Variants in IQGAP2 observed in about 807,000 individuals in gnomAD.
The protein encoded by IQGAP2 is ras GTPase-activating-like protein IQGAP2.
Under a neutral mutation model 201.3 loss-of-function variants are expected in IQGAP2, and 173 were observed. That is an observed-to-expected ratio of 0.86 (90% CI 0.76 to 0.98). IQGAP2 has a LOEUF of 0.98. Among genes scored for constraint, IQGAP2 ranks in the 50% least tolerant of loss-of-function variants. The pLI, the probability that IQGAP2 is intolerant of heterozygous loss-of-function variation, is 0.00. For synonymous variants in IQGAP2, 675 were observed against 673.9 expected (o/e 1.00, Z -0.03); for missense variants, 1,687 against 1,864.8 (o/e 0.90, Z 1.76).
At chr5:76,560,798 C>A (rs1248672891) in intron 2 of IQGAP2, among the ~76,000 whole-genome samples, 3 of 152,270 alleles carry the variant, frequency 2.0e-5, no homozygotes, top group East Asian at 3.9e-4. Context: ...ATCATATATA[C>A]TATTCCCCTC....
At chr5:76,643,424 A>G (rs540613587) in intron 17 of IQGAP2, among the ~76,000 whole-genome samples, 1 of 152,330 alleles carries the variant, frequency 6.6e-6, no homozygotes, top group South Asian at 2.1e-4. Flanking sequence ...TATAATGCCC[A>G]TTTTATTGCA....
intron 2 of IQGAP2, among the ~76,000 whole-genome samples, chr5:76,516,545 G>A (rs1758336865): frequency 6.6e-6 from 1 of 152,074 alleles, no homozygotes; most frequent in Non-Finnish European, 1.5e-5. Context: ...CAGGATAATA[G>A]AAACATTAAT....
At chr5:76,478,244 TACAAAAA>T (rs1755565734) in intron 2 of IQGAP2, among the ~76,000 whole-genome samples, 1 of 151,930 alleles carries the variant, frequency 6.6e-6, no homozygotes, top group Admixed American at 6.6e-5. Context: ...CTACTAAAAA[TACAAAAA>T]TTAGCCAGGC....
At chr5:76,563,578 A>G (rs567350922) in intron 3 of IQGAP2, among the ~76,000 whole-genome samples, 2 of 152,310 alleles carry the variant, frequency 1.3e-5, no homozygotes, top group African/African-American at 2.4e-5. Context: ...GCAAACGCCA[A>G]CCTAAAAGGC....
intron 21 of IQGAP2, among the ~76,000 whole-genome samples, chr5:76,661,858 A>G (rs2150455929): frequency 6.6e-6 from 1 of 152,320 alleles, no homozygotes; most frequent in Middle Eastern, 3.4e-3. Flanking sequence ...AAAAACGTTT[A>G]TATCATAGCA....
intron 28 of IQGAP2, among the ~76,000 whole-genome samples, chr5:76,682,595 A>C (rs1745399100): frequency 6.6e-6 from 1 of 152,160 alleles, no homozygotes; most frequent in Non-Finnish European, 1.5e-5. Flanking sequence ...GGGCCTTCTT[A>C]GGATAAGGAA....
rs781432692 is a variant in IQGAP2 at position 76,597,601 on chromosome 5, T to C, written c.1070T>C (p.Met357Thr). 1.2e-6 allele frequency: 2 copies of C among 1,613,612 alleles called. No individual in the cohort carries two copies. The highest frequency in any genetic ancestry group is 1.7e-6 in the Non-Finnish European group (2 of 1,179,906). ...ELFNLQKQNTMNYLAHEELLI... is the reference protein window; with the variant it reads ...ELFNLQKQNTTNYLAHEELLI... The stretch of plus-strand genomic sequence containing the variant: ...TTCAACCTCCAGAAACAGAACACCA[T>C]GGTAAGTCAGAGGAGACCCCAGCTG... Residue 357 changes from methionine to threonine, a missense_variant and splice_region_variant, in exon 10 of 36, where the codon ATG becomes ACG. Met to Thr is a moderately conservative substitution (Grantham distance 81). Transcript: ENST00000274364.
chr5:76,403,628 T>A lies in IQGAP2; in HGVS notation c.46+37T>A. Reference sequence around the variant, plus strand: ...GGGCGCGCGGGGTTCCTGCTGGCCTTGGGGAGCTCCCTCCCCGAGGACGGC... The same window carrying A: ...GGGCGCGCGGGGTTCCTGCTGGCCTAGGGGAGCTCCCTCCCCGAGGACGGC... On this transcript the variant is annotated intron_variant, in intron 1 of 35. Transcript: ENST00000274364. The surrounding 1 kb of genome is among the most constrained non-coding windows in gnomAD (Gnocchi z 4.8). 1 of 1,472,300 alleles carries A rather than the reference T, an allele frequency of 6.8e-7. No homozygotes were observed. The highest frequency in any genetic ancestry group is 1.8e-4 in the Middle Eastern group (1 of 5,516). 91.2% of individuals were successfully genotyped at this position (1,472,300 alleles called of 1,614,324 possible). A position where few individuals can be genotyped will look rare whatever the true frequency, so the allele number is the denominator to read the frequency against.
intron 4 of IQGAP2, 86 bp from the exon 5 acceptor site, chr5:76,575,607 G>T (rs949406559): frequency 2.9e-6 from 2 of 695,078 alleles, no homozygotes; most frequent in Non-Finnish European, 4.8e-6. Context: ...GGATAGCAAG[G>T]ACAATCAAAA....
chr5:76,700,560 G>A (rs1265228275), intron 33 of IQGAP2, among the ~76,000 whole-genome samples: 1 of 152,164 alleles, frequency 6.6e-6, no homozygotes, highest in Non-Finnish European at 1.5e-5. Context: ...CACAAGTATG[G>A]TTATGAGAGC....
At chr5:76,428,621 C>T (rs190100017) in intron 1 of IQGAP2, among the ~76,000 whole-genome samples, 1,711 of 150,960 alleles carry the variant, frequency 0.011, 39 homozygotes, top group African/African-American at 0.038. Context: ...TTAGTAGAGA[C>T]GGGGTTTCAC....
At chr5:76,502,197 C>T (rs1010488652) in intron 2 of IQGAP2, among the ~76,000 whole-genome samples, 11 of 152,140 alleles carry the variant, frequency 7.2e-5, no homozygotes, top group African/African-American at 2.4e-4. Context: ...TTATATTCTG[C>T]AGGTATAGTC....
Position 76,683,091 on chromosome 5 carries a change from G to A in IQGAP2, c.3661-24G>A, listed in dbSNP as rs375209870. 269 of 1,429,352 alleles carry A rather than the reference G, an allele frequency of 1.9e-4. 1 individual carries two copies. In the Admixed American group the frequency reaches 2.0e-3, roughly 11 times the overall value. 88.5% of individuals were successfully genotyped at this position (1,429,352 alleles called of 1,614,324 possible). A position where few individuals can be genotyped will look rare whatever the true frequency, so the allele number is the denominator to read the frequency against. Reference sequence around the variant, plus strand: ...GTTGAGAATTTACTTTTTTCTTTGTGTGTGTGTTGCTTTCTACATAAAGCT... The same window carrying A: ...GTTGAGAATTTACTTTTTTCTTTGTATGTGTGTTGCTTTCTACATAAAGCT... On this transcript the variant is annotated intron_variant, in intron 28 of 35. Transcript: ENST00000274364.
At chr5:76,416,758 C>T (rs942372231) in intron 1 of IQGAP2, among the ~76,000 whole-genome samples, 8 of 151,844 alleles carry the variant, frequency 5.3e-5, no homozygotes. Flanking sequence ...AAACTCCTGA[C>T]CTCGTGATCC....
chr5:76,495,994 G>T lies in IQGAP2; in HGVS notation c.146+34325G>T, dbSNP rs1289061155. Among the ~76,000 whole-genome samples the T allele has an allele frequency of 2.0e-5, 3 of 152,302 alleles. No homozygotes were observed. In the East Asian group the frequency reaches 5.8e-4, roughly 29 times the overall value. ...GGTAGTGTTGAGGTTGTTGAGGTAAGTGTATACAAAGCTCTTAGCACAGAG... is the reference window on the plus strand; with the variant it reads ...GGTAGTGTTGAGGTTGTTGAGGTAATTGTATACAAAGCTCTTAGCACAGAG... On this transcript the variant is annotated intron_variant, in intron 2 of 35. Coordinates refer to ENST00000274364, the MANE Select transcript of IQGAP2 (RefSeq NM_006633.5).
chr5:76,679,633 C>T (rs2150505581), intron 28 of IQGAP2, among the ~76,000 whole-genome samples: 1 of 152,252 alleles, frequency 6.6e-6, no homozygotes, highest in South Asian at 2.1e-4. Context: ...ATAATCATTT[C>T]CAAAGAAAAC....
chr5:76,510,686 T>G, intron 2 of IQGAP2: 1 of 537,042 alleles, frequency 1.9e-6, no homozygotes, highest in Non-Finnish European at 3.8e-6. Context: ...TAGCAGCAGC[T>G]GCAGCCAGAC....
At chr5:76,470,184 G>A (rs1039643942) in intron 2 of IQGAP2, among the ~76,000 whole-genome samples, 1 of 152,164 alleles carries the variant, frequency 6.6e-6, no homozygotes, top group Non-Finnish European at 1.5e-5. Context: ...CTTACACATG[G>A]AAACTTACAC....
chr5:76,411,501 G>A (rs1226506198), intron 1 of IQGAP2, among the ~76,000 whole-genome samples: 1 of 152,192 alleles, frequency 6.6e-6, no homozygotes, highest in African/African-American at 2.4e-5. Flanking sequence ...GTGTTGGGAG[G>A]TGGAGCCTAA....
Sources: allele counts gnomAD v4.1 joint callset (sites outside exome capture counted in the v4.1 genomes callset), GRCh38; gene constraint gnomAD v4.1.1; non-coding constraint Gnocchi (gnomAD v3.1); transcripts MANE v1.5; gene names NCBI Gene and HGNC (gene_info 2026-07-23, HGNC 2026-07-21).